The following ATP9B variants were observed in gnomAD, a reference collection of about 807,000 sequenced individuals.
ATP9B encodes probable phospholipid-transporting ATPase IIB.
In ATP9B, 110 loss-of-function variants were observed where a neutral mutation model predicts 146.1. The ratio of observed to expected loss-of-function variants is 0.75; its 90% CI spans 0.65 to 0.88. The LOEUF (loss-of-function observed/expected upper bound fraction) is 0.88, where lower values mean the gene tolerates loss of function less well. ATP9B is among the 40% of genes least tolerant of loss of function. The pLI, the probability that ATP9B is intolerant of heterozygous loss-of-function variation, is 0.00. For synonymous variants in ATP9B, 604 were observed against 569.7 expected (o/e 1.06, Z -0.86); for missense variants, 1,499 against 1,496.4 (o/e 1.00, Z -0.03).
intron 5 of ATP9B, among the ~76,000 whole-genome samples, chr18:79,128,087 T>A (rs2094317518): frequency 8.1e-6 from 1 of 122,996 alleles, no homozygotes; most frequent in African/African-American, 3.3e-5. Context: ...TGAGACGGAG[T>A]CTTGTTCTGT....
chr18:79,186,786 T>C (rs1466397970), intron 8 of ATP9B, among the ~76,000 whole-genome samples: 2 of 152,236 alleles, frequency 1.3e-5, no homozygotes, highest in African/African-American at 4.8e-5. Flanking sequence ...CAACCTTCAG[T>C]CCACCCTTCC....
At chr18:79,168,153 A>G (rs558260589) in intron 7 of ATP9B, among the ~76,000 whole-genome samples, 8 of 152,152 alleles carry the variant, frequency 5.3e-5, no homozygotes, top group Non-Finnish European at 7.3e-5. Context: ...CATCACATTG[A>G]CCAGAAAGTG....
chr18:79,373,983 G>C lies in ATP9B; in HGVS notation c.3156G>C (p.Leu1052=). Residue 1052 remains leucine, a synonymous_variant, in exon 28 of 30, where the codon CTG becomes CTC. Transcript: ENST00000426216. ...CCATCTCCTTCACCGCACTGATCCT[G>C]ACCGAGCTGCTGATGGTGGCGCTGA... ...VVAISFTALI[L]TELLMVALTV... is the part of the protein sequence containing the mutation. 1 of 1,614,106 alleles carries C rather than the reference G, an allele frequency of 6.2e-7. No individual in the cohort carries two copies. Among genetic ancestry groups the C allele is most frequent in the Non-Finnish European group, 8.5e-7 (1 of 1,180,040 alleles).
At chr18:79,209,924 A>G (rs1173032075) in intron 10 of ATP9B, among the ~76,000 whole-genome samples, 3 of 152,184 alleles carry the variant, frequency 2.0e-5, no homozygotes, top group African/African-American at 7.2e-5. Flanking sequence ...TATTCTTTGT[A>G]ATTGATTACA....
intron 25 of ATP9B, chr18:79,352,353 C>T (rs1408895426): frequency 6.6e-6 from 1 of 152,164 alleles, no homozygotes; most frequent in Admixed American, 6.5e-5. Flanking sequence ...CTCGGGGAGC[C>T]GTGTCCAGAC....
intron 8 of ATP9B, among the ~76,000 whole-genome samples, chr18:79,187,384 C>T (rs565349910): frequency 9.3e-4 from 141 of 152,242 alleles, no homozygotes; most frequent in Admixed American, 1.5e-3. Flanking sequence ...AGGGGAGGTT[C>T]GGAAGGAAAG....
chr18:79,101,160 G>A (rs546627550), intron 2 of ATP9B, among the ~76,000 whole-genome samples: 2 of 152,100 alleles, frequency 1.3e-5, no homozygotes, highest in East Asian at 3.9e-4. Context: ...AATCACCACT[G>A]CAGCCAAGAT....
intron 15 of ATP9B, among the ~76,000 whole-genome samples, chr18:79,315,425 T>C (rs1049616441): frequency 6.6e-6 from 1 of 152,238 alleles, no homozygotes; most frequent in African/African-American, 2.4e-5. Flanking sequence ...CTTTTTCAGA[T>C]GATCAAATTG....
chr18:79,336,365 T>C (rs2096827084), intron 17 of ATP9B, among the ~76,000 whole-genome samples: 1 of 152,140 alleles, frequency 6.6e-6, no homozygotes, highest in Non-Finnish European at 1.5e-5. Context: ...CCAGGTGGAG[T>C]GTGCCCCAAC....
At chr18:79,183,947 CATAACTTTACCCAGT>C (rs1307798772) in intron 8 of ATP9B, among the ~76,000 whole-genome samples, 1 of 152,078 alleles carries the variant, frequency 6.6e-6, no homozygotes, top group Non-Finnish European at 1.5e-5. Context: ...TCTGTTTCTC[CATAACTTTACCCAGT>C]ACACATTGCA....
chr18:79,188,273 A>G (rs2095327777), intron 8 of ATP9B, among the ~76,000 whole-genome samples: 1 of 152,254 alleles, frequency 6.6e-6, no homozygotes, highest in Non-Finnish European at 1.5e-5. Flanking sequence ...GCTCTTAGAA[A>G]TATATATGGT....
chr18:79,207,826 G>A (rs2095548558), intron 10 of ATP9B, among the ~76,000 whole-genome samples: 1 of 152,140 alleles, frequency 6.6e-6, no homozygotes, highest in Non-Finnish European at 1.5e-5. Flanking sequence ...GGGCAAGGCG[G>A]TTCCATATCC....
In ATP9B at chr18:79,213,969, A is replaced by G. The variant is rs775897905; in HGVS notation, c.1038A>G (p.Val346=). ...WASTIVASGT[V]IGVVIYTGKE... ...ACTTTCATGTTTTTGCAGGTACTGT[A>G]ATAGGTGTTGTCATTTATACCGGAA... Residue 346 remains valine (V), a synonymous_variant, in exon 11 of 30, where the codon GTA becomes GTG. Transcript: ENST00000426216. 1.2e-6 allele frequency: 2 copies of G among 1,605,062 alleles called. No individual in the cohort carries two copies. Among genetic ancestry groups the G allele is most frequent in the Non-Finnish European group, 1.7e-6 (2 of 1,177,044 alleles).
chr18:79,120,943 CGAAT>C (rs1555691138), intron 4 of ATP9B, among the ~76,000 whole-genome samples: 1 of 152,130 alleles, frequency 6.6e-6, no homozygotes, highest in Non-Finnish European at 1.5e-5. Context: ...AAAGGAAAAA[CGAAT>C]GAAATTGCTT....
chr18:79,276,936 C>G lies in ATP9B; in HGVS notation c.1269-118C>G, dbSNP rs543474471. 1.7e-5 allele frequency: 25 copies of G among 1,468,290 alleles called. 1 individual carries two copies. In the African/African-American group the frequency reaches 2.3e-4, roughly 14 times the overall value. The allele number at this position is 1,468,290 out of a possible 1,614,324, so 91.0% of individuals were successfully genotyped here. ...TTTTATCTGGCAGTTTGGGTATGAA[C>G]TTGGACATGGGTCTGGATCACACTA... On this transcript the variant is annotated intron_variant, in intron 12 of 29. Coordinates refer to ENST00000426216, the MANE Select transcript of ATP9B (RefSeq NM_198531.5).
intron 9 of ATP9B, among the ~76,000 whole-genome samples, chr18:79,204,437 C>T (rs1046329456): frequency 1.3e-5 from 2 of 152,176 alleles, no homozygotes. Flanking sequence ...TCTTTTGACT[C>T]TTCCTTTTAA....
intron 9 of ATP9B, among the ~76,000 whole-genome samples, chr18:79,198,325 T>C (rs1040743392): frequency 1.3e-5 from 2 of 152,134 alleles, no homozygotes; most frequent in Admixed American, 1.3e-4. Context: ...AAAAAATAGA[T>C]ACCGTACCAA....
intron 4 of ATP9B, among the ~76,000 whole-genome samples, chr18:79,125,648 T>C (rs2094272158): frequency 6.6e-6 from 1 of 152,150 alleles, no homozygotes; most frequent in South Asian, 2.1e-4. Context: ...GGGCATTAGC[T>C]TCATATTAGT....
chr18:79,177,859 G>A (rs1263506842), intron 8 of ATP9B, among the ~76,000 whole-genome samples: 1 of 152,116 alleles, frequency 6.6e-6, no homozygotes, highest in Non-Finnish European at 1.5e-5. Context: ...CTGCTCAGAT[G>A]ATTTGTTTTC....
Sources: allele counts gnomAD v4.1 joint callset (sites outside exome capture counted in the v4.1 genomes callset), GRCh38; gene constraint gnomAD v4.1.1; transcripts MANE v1.5; gene names NCBI Gene and HGNC (gene_info 2026-07-23, HGNC 2026-07-21).